The following TAB2 variants were observed in gnomAD, a reference collection of about 807,000 sequenced individuals.
TAB2 encodes the protein TGF-beta activated kinase 1 (MAP3K7) binding protein 2, also known as TGF-beta-activated kinase 1 and MAP3K7-binding protein 2.
A neutral mutation model predicts 65.0 loss-of-function variants in TAB2; 3 were observed. The observed-to-expected ratio is 0.05, with a 90% CI of 0.02 to 0.12. TAB2 has a LOEUF of 0.12. Ranked by LOEUF, TAB2 falls within the 10% of genes least tolerant of loss-of-function variation. The pLI is 1.00. For synonymous variants in TAB2, 298 were observed against 285.1 expected, an observed-to-expected ratio of 1.05 and a Z score of -0.46; for missense variants, 623 against 840.3, an observed-to-expected ratio of 0.74 and a Z score of 3.20.
rs376986664 is a variant in TAB2, at chr6:149,391,687, G to A, written c.1604-5917G>A. On this transcript the variant is annotated intron_variant, in intron 3 of 6. Transcript: ENST00000637181. ...ATCTGGAGTAGCTGAGACTACAGGC[G>A]CGCGCCACCATGCCTGGCTAATTTT... 1.5e-3 allele frequency among the ~76,000 whole-genome samples: 227 copies of A among 151,666 alleles called. 2 individuals carry two copies. The highest frequency in any genetic ancestry group is 2.2e-3 in the Non-Finnish European group (148 of 67,836).
At chr6:149,273,530 G>A (rs556895574) in intron 1 of TAB2, among the ~76,000 whole-genome samples, 1 of 152,206 alleles carries the variant, frequency 6.6e-6, no homozygotes, top group Non-Finnish European at 1.5e-5. Context: ...TGTGGAGGCT[G>A]GACCAGAGTG....
chr6:149,228,915 G>C (rs1232326364), intron 1 of TAB2, among the ~76,000 whole-genome samples: 1 of 152,168 alleles, frequency 6.6e-6, no homozygotes, highest in Non-Finnish European at 1.5e-5. Context: ...TCACATACAT[G>C]CTCAGAGAAT....
intron 1 of TAB2, among the ~76,000 whole-genome samples, chr6:149,350,321 C>CT (rs1213241308): frequency 1.3e-5 from 2 of 152,116 alleles, no homozygotes; most frequent in African/African-American, 2.4e-5. Context: ...AAGAGGAAGT[C>CT]TAACAAGGAG....
chr6:149,291,881 A>T (rs1043236462), intron 1 of TAB2, among the ~76,000 whole-genome samples: 2 of 152,164 alleles, frequency 1.3e-5, no homozygotes, highest in Non-Finnish European at 2.9e-5. Context: ...AAAAACAAAC[A>T]AAAGAAACTA....
At chr6:149,270,942 A>C (rs1042630777) in intron 1 of TAB2, among the ~76,000 whole-genome samples, 1 of 152,162 alleles carries the variant, frequency 6.6e-6, no homozygotes, top group African/African-American at 2.4e-5. Flanking sequence ...TGTTGCAAAA[A>C]ACTGGGTAGT....
intron 6 of TAB2, among the ~76,000 whole-genome samples, chr6:149,403,447 G>A (rs1241125134): frequency 6.7e-6 from 1 of 150,304 alleles, no homozygotes. Context: ...AATCAATGGA[G>A]AAAACCGAAA....
chr6:149,336,361 A>C (rs909730345), intron 1 of TAB2, among the ~76,000 whole-genome samples: 1 of 152,146 alleles, frequency 6.6e-6, no homozygotes, highest in Non-Finnish European at 1.5e-5. Context: ...CTTTTGGCTT[A>C]TCTTGATGTA....
chr6:149,388,423 G>C (rs994405955), intron 3 of TAB2, among the ~76,000 whole-genome samples: 1 of 152,202 alleles, frequency 6.6e-6, no homozygotes, highest in Non-Finnish European at 1.5e-5. Context: ...GGACACTAAT[G>C]ACTGCCAATA....
intron 6 of TAB2, among the ~76,000 whole-genome samples, chr6:149,409,218 T>G (rs766841386): frequency 6.6e-6 from 1 of 152,236 alleles, no homozygotes; most frequent in Non-Finnish European, 1.5e-5. Flanking sequence ...ATGAGACTTA[T>G]GTACACTGAC....
chr6:149,393,336 G>A (rs1782057711), intron 3 of TAB2, among the ~76,000 whole-genome samples: 1 of 152,122 alleles, frequency 6.6e-6, no homozygotes, highest in African/African-American at 2.4e-5. Context: ...TAGAGCTTCA[G>A]ACTAATCATA....
intron 1 of TAB2, among the ~76,000 whole-genome samples, chr6:149,295,557 C>T (rs762250300): frequency 2.6e-4 from 40 of 152,164 alleles, no homozygotes; most frequent in Non-Finnish European, 5.6e-4. Context: ...AATCCTCTTT[C>T]ATATTGTTTC....
At chr6:149,335,977 C>T (rs1779921928) in intron 1 of TAB2, among the ~76,000 whole-genome samples, 2 of 152,000 alleles carry the variant, frequency 1.3e-5, no homozygotes. Context: ...GAAATAGTAA[C>T]ACCTCCTCCC....
chr6:149,384,016 C>T (rs542584011), intron 3 of TAB2, among the ~76,000 whole-genome samples: 10 of 152,146 alleles, frequency 6.6e-5, no homozygotes, highest in Non-Finnish European at 1.5e-4. Flanking sequence ...AACGGGGTGG[C>T]CTGAGTAATC....
chr6:149,379,492 G>C lies in TAB2; in HGVS notation c.1577G>C (p.Gly526Ala). The change falls in exon 3 of 7, where the codon GGA (glycine) becomes GCA (alanine). Residue 526 changes from glycine to alanine, a missense_variant. By Grantham distance (60) the Gly-to-Ala change is moderately conservative (BLOSUM62 0). This residue lies in a region of TAB2 where 550 missense variants were observed against 665.7 expected (regional missense o/e 0.83). Transcript: ENST00000637181. ...AGTGAAACACGGAAACTGAGTATGG[G>C]ATCTGATGATGCTGCCTACACACAA... ...RISETRKLSMGSDDAAYTQAL... is the reference protein window; with the variant it reads ...RISETRKLSMASDDAAYTQAL... 2 of 1,614,120 alleles carry C rather than the reference G, an allele frequency of 1.2e-6. No individual in the cohort carries two copies. Among genetic ancestry groups the C allele is most frequent in the Non-Finnish European group, 1.7e-6 (2 of 1,180,028 alleles).
chr6:149,400,312 C>T, intron 6 of TAB2: 1 of 1,491,490 alleles, frequency 6.7e-7, no homozygotes, highest in South Asian at 1.3e-5. Context: ...TGCTGCTCTT[C>T]CTGCTGCTCG....
chr6:149,315,000 T>C (rs1394002825), upstream of TAB2, among the ~76,000 whole-genome samples: 1 of 152,088 alleles, frequency 6.6e-6, no homozygotes, highest in African/African-American at 2.4e-5. Context: ...AGAAATCACA[T>C]TTACCAAATA....
At chr6:149,324,722 C>G (rs889182345) in intron 1 of TAB2, among the ~76,000 whole-genome samples, 1 of 151,938 alleles carries the variant, frequency 6.6e-6, no homozygotes. Flanking sequence ...GGCCAAGCAA[C>G]TTTTGTTTAG....
intron 1 of TAB2, among the ~76,000 whole-genome samples, chr6:149,327,130 A>G (rs1292805619): frequency 1.3e-5 from 2 of 152,150 alleles, no homozygotes. Flanking sequence ...TTGCTTCCAC[A>G]TTCTTGATAT....
chr6:149,307,989 A>G (rs657940), intron 1 of TAB2, among the ~76,000 whole-genome samples: 61,179 of 151,818 alleles, frequency 0.4, 13,698 homozygotes, highest in African/African-American at 0.62. Context: ...AATGTCAAGA[A>G]ATCTACCTCC....
Sources: gnomAD v4.1 joint callset for allele counts (sites outside exome capture counted in the v4.1 genomes callset) on GRCh38, gnomAD v4.1.1 for gene constraint, gnomAD v4.1.1 regional missense constraint, MANE v1.5 for transcripts, NCBI Gene and HGNC (gene_info 2026-07-23, HGNC 2026-07-21) for gene names.